The following TTC21B variants were observed in gnomAD, a reference collection of about 807,000 sequenced individuals.
TTC21B encodes the protein tetratricopeptide repeat protein 21B.
In TTC21B, 127 loss-of-function variants were observed where a neutral mutation model predicts 175.1. The ratio of observed to expected loss-of-function variants is 0.73; its 90% confidence interval spans 0.63 to 0.84. The LOEUF is 0.84. Among genes scored for constraint, TTC21B ranks in the 40% least tolerant of loss-of-function variants. The pLI is 0.00. For synonymous variants in TTC21B, 524 were observed against 524.5 expected, an observed-to-expected ratio of 1.00 and a Z score of 0.01; for missense variants, 1,561 against 1,558.3, an observed-to-expected ratio of 1.00 and a Z score of -0.03.
intron 22 of TTC21B, among the ~76,000 whole-genome samples, chr2:165,897,877 G>A (rs1362745821): frequency 6.6e-6 from 1 of 152,174 alleles, no homozygotes; most frequent in Non-Finnish European, 1.5e-5. Context: ...CATTGTGGAA[G>A]GGAATAAACT....
rs1194376276 is a variant in TTC21B, at chr2:165,873,362, T to A, written c.*1393A>T. The A allele has an allele frequency of 1.3e-5, 2 of 152,120 alleles. No individual in the cohort carries two copies. Among genetic ancestry groups the A allele is most frequent in the Non-Finnish European group, 2.9e-5 (2 of 68,014 alleles). 9.4% of individuals were successfully genotyped at this position (152,120 alleles called of 1,614,324 possible). ...AGGACATTTAATAAAAAGCAGCAAATGACTTATAAATACTGTTTATTGTAA... is the reference window on the plus strand; with the variant it reads ...AGGACATTTAATAAAAAGCAGCAAAAGACTTATAAATACTGTTTATTGTAA... On this transcript the variant is annotated 3_prime_UTR_variant, in exon 29 of 29. Transcript: ENST00000243344.
In TTC21B at chr2:165,899,806, C is replaced by T. The variant is rs1346826104; in HGVS notation, c.2832G>A (p.Leu944=). ...CTTCGTTATCCTGGTCACTCTGAAGCAGTAGAGCACACTGCCGCAGGCAGG... is the reference window on the plus strand; with the variant it reads ...CTTCGTTATCCTGGTCACTCTGAAGTAGTAGAGCACACTGCCGCAGGCAGG... ...PDSCLRQCAL[L]LQSDQDNEAA... is the part of the protein sequence containing the mutation. The change falls in exon 21 of 29, where the codon CTG becomes CTA. Residue 944 remains leucine (L), a synonymous_variant. Coordinates refer to ENST00000243344, the MANE Select transcript of TTC21B (RefSeq NM_024753.5). 1.9e-6 allele frequency: 3 copies of T among 1,613,816 alleles called. No individual in the cohort carries two copies. The highest frequency in any genetic ancestry group is 2.5e-6 in the Non-Finnish European group (3 of 1,179,866).
At chr2:165,930,028 G>T (rs1686828565) in intron 9 of TTC21B, 144 bp downstream of exon 9, 2 of 635,712 alleles carry the variant, frequency 3.1e-6, no homozygotes, top group East Asian at 5.8e-5. Context: ...AAATTTTAAA[G>T]ACATGACTTT....
chr2:165,877,317 G>A (rs1350617000), intron 27 of TTC21B, among the ~76,000 whole-genome samples: 1 of 152,154 alleles, frequency 6.6e-6, no homozygotes, highest in East Asian at 1.9e-4. Flanking sequence ...TCAGATGGTA[G>A]TAAAAAGAAA....
chr2:165,880,530 T>C, intron 27 of TTC21B, 149 bp downstream of exon 27: 2 of 836,704 alleles, frequency 2.4e-6, no homozygotes, highest in Non-Finnish European at 3.8e-6. Context: ...ATATTATGAA[T>C]ATAAAATTTA....
At chr2:165,894,965 G>C (rs1356790040) in intron 22 of TTC21B, among the ~76,000 whole-genome samples, 1 of 152,114 alleles carries the variant, frequency 6.6e-6, no homozygotes, top group Non-Finnish European at 1.5e-5. Flanking sequence ...TGTTAGCATG[G>C]GAAGTCCTGC....
At chr2:165,910,129 C>T (rs1378440108) in intron 18 of TTC21B, among the ~76,000 whole-genome samples, 2 of 152,080 alleles carry the variant, frequency 1.3e-5, no homozygotes, top group African/African-American at 4.8e-5. Context: ...TTAGGCCAGG[C>T]GCGGTGGCTC....
chr2:165,914,914 A>G (rs1686107649), intron 15 of TTC21B, among the ~76,000 whole-genome samples: 1 of 152,106 alleles, frequency 6.6e-6, no homozygotes, highest in African/African-American at 2.4e-5. Flanking sequence ...AACACAGGGT[A>G]CAATTTCCCT....
chr2:165,892,562 A>G (rs950095520), intron 22 of TTC21B, among the ~76,000 whole-genome samples: 1 of 152,228 alleles, frequency 6.6e-6, no homozygotes, highest in Non-Finnish European at 1.5e-5. Flanking sequence ...ATTTTGACAT[A>G]CACTACAACA....
chr2:165,943,432 A>G, intron 4 of TTC21B, 91 bp from the exon 5 acceptor site: 2 of 1,048,880 alleles, frequency 1.9e-6, no homozygotes, highest in Non-Finnish European at 1.4e-6. Flanking sequence ...CTGGCAATTA[A>G]TAACAAAAAG....
In TTC21B at chr2:165,904,548, A is replaced by G. The variant is rs1413882912; in HGVS notation, c.2569-2638T>C. On this transcript the variant is annotated intron_variant, in intron 19 of 28. Coordinates refer to ENST00000243344, the MANE Select transcript of TTC21B (RefSeq NM_024753.5). ...TGCAGAATGCAGAACTCTTCTGGGT[A>G]CACAGGAATCTAGTCAAAAGGTGAC... Among the ~76,000 whole-genome samples, 3 of 152,232 alleles carry G rather than the reference A, an allele frequency of 2.0e-5. No homozygotes were observed. The East Asian group carries it at 5.8e-4, about 29-fold the overall frequency.
Position 165,938,519 on chromosome 2 carries a change from G to T in TTC21B, c.710+2508C>A, listed in dbSNP as rs114941572. 8.7e-3 allele frequency among the ~76,000 whole-genome samples: 1,275 copies of T among 146,852 alleles called. 18 individuals are homozygous for T. The highest frequency in any genetic ancestry group is 0.029 in the African/African-American group (1,210 of 41,300). ...AATTGCCAAAACAACAAAATTGAAT[G>T]TGAATTTAACCAAACCTCTAGATCC... On this transcript the variant is annotated intron_variant, in intron 6 of 28. Transcript: ENST00000243344.
At chr2:165,890,793 A>G in intron 23 of TTC21B, 45 bp downstream of exon 23, 1 of 1,593,686 alleles carries the variant, frequency 6.3e-7, no homozygotes. Flanking sequence ...TTGATTTACA[A>G]TGAGAAAAAA....
intron 8 of TTC21B, 75 bp from the exon 9 acceptor site, chr2:165,930,439 A>AAT: frequency 2.8e-6 from 3 of 1,080,838 alleles, no homozygotes; most frequent in Non-Finnish European, 3.9e-6. Context: ...ATTTTTTCTA[A>AAT]ATATATATAT....
chr2:165,897,681 C>T (rs909333096), intron 22 of TTC21B, among the ~76,000 whole-genome samples: 2 of 152,070 alleles, frequency 1.3e-5, no homozygotes, highest in African/African-American at 4.8e-5. Flanking sequence ...CGCACCTGGA[C>T]AAAGTCACCT....
At chr2:165,951,407 T>C (rs1296010734) in intron 1 of TTC21B, among the ~76,000 whole-genome samples, 2 of 152,104 alleles carry the variant, frequency 1.3e-5, no homozygotes, top group African/African-American at 4.8e-5. Context: ...AGTTCTATTC[T>C]GAAAAAAATA....
At chr2:165,900,116 C>T (rs1157387670) in intron 20 of TTC21B, among the ~76,000 whole-genome samples, 2 of 148,004 alleles carry the variant, frequency 1.4e-5, no homozygotes, top group African/African-American at 2.5e-5. Flanking sequence ...AGTAGAGAGA[C>T]ATAATGCATT....
intron 14 of TTC21B, among the ~76,000 whole-genome samples, chr2:165,916,955 C>T (rs1407211623): frequency 1.3e-5 from 2 of 152,132 alleles, no homozygotes; most frequent in South Asian, 2.1e-4. Flanking sequence ...CGGCTCACTG[C>T]AACCTCCGCC....
chr2:165,932,858 A>G (rs1686962510), intron 7 of TTC21B, 115 bp downstream of exon 7: 1 of 913,926 alleles, frequency 1.1e-6, no homozygotes, highest in Admixed American at 2.0e-5. Context: ...CATGATGTAT[A>G]TTTTAAAAGA....
Sources: gnomAD v4.1 joint callset for allele counts (sites outside exome capture counted in the v4.1 genomes callset) on GRCh38, gnomAD v4.1.1 for gene constraint, MANE v1.5 for transcripts, NCBI Gene and HGNC (gene_info 2026-07-23, HGNC 2026-07-21) for gene names.